SH3D19: variants seen among roughly 807,000 people sequenced by gnomAD.
SH3D19 encodes the protein SH3 domain-containing protein 19.
A neutral mutation model predicts 112.1 loss-of-function variants in SH3D19; 58 were observed. That is an observed-to-expected ratio of 0.52 (90% confidence interval 0.42 to 0.64). SH3D19 has a LOEUF of 0.64. Ranked by LOEUF, SH3D19 falls within the 30% of genes least tolerant of loss-of-function variation. The pLI is 0.00. For synonymous variants in SH3D19, 391 were observed against 448.5 expected (o/e 0.87, Z 1.62); for missense variants, 1,090 against 1,263.4 (o/e 0.86, Z 2.08).
chr4:151,290,996 T>G, intron 1 of SH3D19: 1 of 675,258 alleles, frequency 1.5e-6, no homozygotes, highest in Non-Finnish European at 2.5e-6. Context: ...TCCAGCCCCC[T>G]GCAGGGTTCC....
chr4:151,316,645 G>C (rs1232231075), intron 1 of SH3D19, among the ~76,000 whole-genome samples: 3 of 149,092 alleles, frequency 2.0e-5, no homozygotes, highest in African/African-American at 7.4e-5. Context: ...TTTTCCCTTG[G>C]TATAACTTGG....
At chr4:151,245,866 G>A (rs760868204) in intron 1 of SH3D19, among the ~76,000 whole-genome samples, 3 of 152,144 alleles carry the variant, frequency 2.0e-5, no homozygotes, top group Non-Finnish European at 4.4e-5. Context: ...CTCCCAAAGT[G>A]CTGGGATTTA....
rs773447986 is a variant in SH3D19, at chr4:151,139,853, G to T, written c.2224-6C>A. ...TTCTGAGCGTGGCTTGGATCCTTAG[G>T]GGGAGAAAAGGGCTGTGAATGAAGT... is the stretch of plus-strand genomic sequence containing the variant. On this transcript the variant is annotated splice_polypyrimidine_tract_variant and splice_region_variant and intron_variant, in intron 12 of 19. Transcript: ENST00000604030. 6.2e-6 allele frequency: 10 copies of T among 1,613,746 alleles called. No homozygotes were observed. The highest frequency in any genetic ancestry group is 3.3e-5 in the South Asian group (3 of 91,022).
intron 12 of SH3D19, among the ~76,000 whole-genome samples, chr4:151,141,635 T>G (rs1030447088): frequency 6.6e-6 from 1 of 152,108 alleles, no homozygotes; most frequent in Admixed American, 6.6e-5. Context: ...ACTGAGTGAC[T>G]CTCTCCAAAA....
chr4:151,280,184 A>G (rs1774077975), intron 1 of SH3D19, among the ~76,000 whole-genome samples: 1 of 151,726 alleles, frequency 6.6e-6, no homozygotes, highest in Non-Finnish European at 1.5e-5. Flanking sequence ...ATTTTTTGCC[A>G]AATCACCTTC....
At chr4:151,273,222 G>A (rs899847500) in intron 1 of SH3D19, among the ~76,000 whole-genome samples, 5 of 152,026 alleles carry the variant, frequency 3.3e-5, no homozygotes, top group African/African-American at 1.2e-4. Flanking sequence ...ACAAAGGAGA[G>A]GAGAGATTCT....
Position 151,246,489 on chromosome 4 carries a change from TA to T in SH3D19, c.113-20404del, listed in dbSNP as rs1770956332. ...CTTTCTGGAGAGTAATTTGGGCCTTTAAAAAGTTTATGACCTTTTCTCCAAC... is the reference window on the plus strand; with the variant it reads ...CTTTCTGGAGAGTAATTTGGGCCTTTAAAAGTTTATGACCTTTTCTCCAAC... On this transcript the variant is annotated intron_variant, in intron 1 of 19. Transcript: ENST00000604030. 7.2e-5 allele frequency among the ~76,000 whole-genome samples: 11 copies of T among 152,240 alleles called. 1 individual carries two copies. The highest frequency in any genetic ancestry group is 7.2e-4 in the Admixed American group (11 of 15,282).
intron 1 of SH3D19, among the ~76,000 whole-genome samples, chr4:151,321,781 T>C (rs1163395454): frequency 1.3e-5 from 2 of 152,196 alleles, no homozygotes; most frequent in African/African-American, 4.8e-5. Flanking sequence ...TCAGGCCCTA[T>C]CCCAGACCAA....
chr4:151,270,272 G>A (rs1199887355), intron 1 of SH3D19, among the ~76,000 whole-genome samples: 1 of 152,130 alleles, frequency 6.6e-6, no homozygotes, highest in Admixed American at 6.5e-5. Context: ...GATCACAGGG[G>A]TGAGTTTCTC....
intron 19 of SH3D19, 38 bp from the exon 20 acceptor site, chr4:151,122,245 T>A (rs1439496492): frequency 8.7e-7 from 1 of 1,147,834 alleles, no homozygotes; most frequent in South Asian, 1.3e-5. Context: ...TGGTTTCTGT[T>A]GAGAATAAGC....
At chr4:151,208,867 CG>C (rs1404046417) in intron 2 of SH3D19, among the ~76,000 whole-genome samples, 1 of 149,738 alleles carries the variant, frequency 6.7e-6, no homozygotes, top group East Asian at 2.0e-4. Flanking sequence ...TTAGTAGAGA[CG>C]GGGTTTCACC....
chr4:151,137,304 T>C (rs940262134), intron 14 of SH3D19, among the ~76,000 whole-genome samples: 2 of 152,060 alleles, frequency 1.3e-5, no homozygotes, highest in Non-Finnish European at 2.9e-5. Flanking sequence ...TAAATAAGAA[T>C]GGAAAAGATG....
intron 1 of SH3D19, chr4:151,282,557 A>G (rs916482284): frequency 1.2e-6 from 1 of 827,620 alleles, no homozygotes; most frequent in African/African-American, 1.7e-5. Context: ...AAGTTTTTAA[A>G]TAAAATATCT....
At chr4:151,233,386 C>T (rs72723778) in intron 1 of SH3D19, among the ~76,000 whole-genome samples, 409 of 152,168 alleles carry the variant, frequency 2.7e-3, no homozygotes, top group Non-Finnish European at 4.0e-3. Context: ...GGTTGGGGAC[C>T]GCTGCATTAA....
chr4:151,184,070 GGAAGAACAT>G (rs934218888), intron 3 of SH3D19, among the ~76,000 whole-genome samples: 33 of 152,046 alleles, frequency 2.2e-4, no homozygotes. Flanking sequence ...GTTAATGAAA[GGAAGAACAT>G]AAAATTCTAG....
At chr4:151,180,657 T>C (rs190685767) in intron 3 of SH3D19, among the ~76,000 whole-genome samples, 428 of 150,550 alleles carry the variant, frequency 2.8e-3, no homozygotes, top group Non-Finnish European at 4.0e-3. Flanking sequence ...CCACCCGCCT[T>C]GGCCTCCCAA....
intron 1 of SH3D19, among the ~76,000 whole-genome samples, chr4:151,300,203 A>G (rs189492759): frequency 4.0e-5 from 6 of 149,256 alleles, no homozygotes; most frequent in Non-Finnish European, 4.5e-5. Context: ...CTCTATCTCA[A>G]AAAAAAAAAA....
chr4:151,144,377 C>T (rs779912570), intron 11 of SH3D19: 4 of 1,150,860 alleles, frequency 3.5e-6, no homozygotes, highest in Non-Finnish European at 5.2e-6. Flanking sequence ...ATGTGTGTGC[C>T]TAAAGTGCAC....
At chr4:151,292,314 A>C (rs1199608264) in intron 1 of SH3D19, among the ~76,000 whole-genome samples, 1 of 151,854 alleles carries the variant, frequency 6.6e-6, no homozygotes, top group Non-Finnish European at 1.5e-5. Flanking sequence ...AAAAAAAAGG[A>C]AAAGAAAAGA....
Sources: allele counts gnomAD v4.1 joint callset (sites outside exome capture counted in the v4.1 genomes callset), GRCh38; gene constraint gnomAD v4.1.1; transcripts MANE v1.5; gene names NCBI Gene and HGNC (gene_info 2026-07-23, HGNC 2026-07-21).